PKHD1: variants seen among roughly 807,000 people sequenced by gnomAD.
The protein encoded by PKHD1 is PKHD1 ciliary IPT domain containing fibrocystin/polyductin.
PKHD1 carries 291 observed loss-of-function variants against 412.0 expected under a neutral mutation model. That is an observed-to-expected ratio of 0.71 (90% CI 0.64 to 0.78). The LOEUF (loss-of-function observed/expected upper bound fraction) is 0.78, where lower values mean the gene tolerates loss of function less well. Ranked by LOEUF, PKHD1 falls within the 30% of genes least tolerant of loss-of-function variation. The pLI, the probability that PKHD1 is intolerant of heterozygous loss-of-function variation, is 0.00. For synonymous variants in PKHD1, 1,777 were observed against 1,821.5 expected (o/e 0.98, Z 0.62); for missense variants, 4,825 against 4,950.7 (o/e 0.97, Z 0.76).
rs509107 is a variant in PKHD1 at position 51,666,249 on chromosome 6, A to T, written c.10157-6280T>A. On this transcript the variant is annotated intron_variant, in intron 60 of 66. Coordinates refer to ENST00000371117, the MANE Select transcript of PKHD1 (RefSeq NM_138694.4). ...AAAATGAGAAAAAAATCACAACACA[A>T]TTATGTTTTAAAAACCTCGTAAGTA... Among the ~76,000 whole-genome samples the T allele has an allele frequency of 4.6e-3, 705 of 152,250 alleles. 5 individuals are homozygous for T. The highest frequency in any genetic ancestry group is 0.016 in the African/African-American group (669 of 41,564).
intron 61 of PKHD1, among the ~76,000 whole-genome samples, chr6:51,653,397 C>T (rs555553821): frequency 2.0e-5 from 3 of 152,180 alleles, no homozygotes; most frequent in African/African-American, 7.2e-5. Context: ...CCAAGCCTGG[C>T]ATGTTGTAAG....
chr6:52,075,556 G>A (rs563505910), intron 6 of PKHD1, among the ~76,000 whole-genome samples: 2 of 152,292 alleles, frequency 1.3e-5, no homozygotes, highest in African/African-American at 2.4e-5. Flanking sequence ...CTTCTCAGTT[G>A]CAATCCCTTC....
chr6:51,728,229 A>G (rs921413993), intron 60 of PKHD1, among the ~76,000 whole-genome samples: 1 of 152,294 alleles, frequency 6.6e-6, no homozygotes, highest in Non-Finnish European at 1.5e-5. Flanking sequence ...GAGTGACTAC[A>G]AAATTGACTG....
chr6:51,689,253 T>A (rs960004398), intron 60 of PKHD1, among the ~76,000 whole-genome samples: 1 of 152,164 alleles, frequency 6.6e-6, no homozygotes, highest in African/African-American at 2.4e-5. Flanking sequence ...AACCACATGA[T>A]TATCTCAATC....
At chr6:51,840,876 G>A (rs1442052089) in intron 50 of PKHD1, among the ~76,000 whole-genome samples, 1 of 152,116 alleles carries the variant, frequency 6.6e-6, no homozygotes, top group Non-Finnish European at 1.5e-5. Flanking sequence ...TTACTTTAGA[G>A]GCATAAAAAG....
Position 52,055,607 on chromosome 6 carries a change from G to A in PKHD1, c.1816C>T (p.Arg606Trp), listed in dbSNP as rs560133266. The A allele has an allele frequency of 8.5e-5, 137 of 1,613,836 alleles. 1 individual carries two copies. Among genetic ancestry groups the A allele is most frequent in the South Asian group, 2.0e-4 (18 of 91,066 alleles). The change falls in exon 19 of 67, where the codon CGG (arginine) becomes TGG (tryptophan). Residue 606 changes from arginine to tryptophan, a missense_variant. By Grantham distance (101) the Arg-to-Trp change is moderately radical. Coordinates refer to ENST00000371117, the MANE Select transcript of PKHD1 (RefSeq NM_138694.4). ...CTCACGTGTGTATACTGATCTAGCC[G>A]ATAGCCCTTCTGGGCAGCCGGGGGA... ...LTPPAAQKGY[R>W]LDQYTHLCLA...
intron 37 of PKHD1, among the ~76,000 whole-genome samples, chr6:51,922,405 G>A (rs1784844356): frequency 1.3e-5 from 2 of 152,198 alleles, no homozygotes; most frequent in Admixed American, 1.3e-4. Context: ...TCAGGGTCAG[G>A]GACCCACTTG....
chr6:52,010,940 C>G (rs778370943), intron 34 of PKHD1, among the ~76,000 whole-genome samples: 4 of 152,190 alleles, frequency 2.6e-5, no homozygotes, highest in Non-Finnish European at 5.9e-5. Flanking sequence ...AACTGGCTAA[C>G]TGGTCCCTAA....
chr6:52,049,720 TCTC>T (rs1806474013), intron 22 of PKHD1, among the ~76,000 whole-genome samples: 2 of 152,170 alleles, frequency 1.3e-5, no homozygotes, highest in South Asian at 2.1e-4. Flanking sequence ...CTATTTTTCT[TCTC>T]TAGACATTTC....
chr6:51,915,788 A>T (rs1275673924), intron 37 of PKHD1, among the ~76,000 whole-genome samples: 1 of 152,060 alleles, frequency 6.6e-6, no homozygotes. Flanking sequence ...CCAAGAAGCC[A>T]AAGTAGGAGG....
At chr6:51,830,093 A>T (rs1767993656) in intron 52 of PKHD1, among the ~76,000 whole-genome samples, 1 of 152,176 alleles carries the variant, frequency 6.6e-6, no homozygotes, top group Non-Finnish European at 1.5e-5. Context: ...CAGATGGTTA[A>T]ATGTTCTTCC....
chr6:52,056,565 G>T, intron 18 of PKHD1, 133 bp downstream of exon 18: 1 of 769,044 alleles, frequency 1.3e-6, no homozygotes, highest in Non-Finnish European at 2.3e-6. Context: ...GCCACTCAGT[G>T]TCCAAATCCA....
chr6:51,975,930 G>A (rs1008461130), intron 35 of PKHD1: 2 of 122,360 alleles, frequency 1.6e-5, no homozygotes, highest in Non-Finnish European at 3.2e-5. Context: ...CAGCACTCCA[G>A]CCGGGATAAC....
intron 46 of PKHD1, among the ~76,000 whole-genome samples, chr6:51,873,554 C>T (rs5019542): frequency 0.5 from 76,260 of 152,020 alleles, 20,743 homozygotes; most frequent in Middle Eastern, 0.68. Flanking sequence ...CTGAGCTATT[C>T]CCCTATGATT....
chr6:51,709,248 G>C (rs1780364835), intron 60 of PKHD1, among the ~76,000 whole-genome samples: 1 of 152,142 alleles, frequency 6.6e-6, no homozygotes, highest in Non-Finnish European at 1.5e-5. Flanking sequence ...TAGAGTCTCA[G>C]TAAACATTTG....
chr6:52,052,670 T>C (rs1451109367), intron 21 of PKHD1, among the ~76,000 whole-genome samples: 3 of 152,098 alleles, frequency 2.0e-5, no homozygotes, highest in African/African-American at 7.2e-5. Flanking sequence ...ATAATAACAA[T>C]AATTGCTTAT....
intron 43 of PKHD1, among the ~76,000 whole-genome samples, chr6:51,888,937 GC>G (rs1221344745): frequency 6.6e-6 from 1 of 151,362 alleles, no homozygotes; most frequent in Non-Finnish European, 1.5e-5. Context: ...AATCGATCAA[GC>G]TATGAGACTA....
intron 55 of PKHD1, among the ~76,000 whole-genome samples, chr6:51,762,646 CACAT>C (rs750390650): frequency 3.8e-5 from 2 of 53,094 alleles, no homozygotes; most frequent in South Asian, 1.0e-3. Context: ...TACCATTATT[CACAT>C]ATATATATAT....
chr6:51,636,892 G>A (rs996710813), intron 64 of PKHD1, among the ~76,000 whole-genome samples: 1 of 152,214 alleles, frequency 6.6e-6, no homozygotes, highest in Admixed American at 6.5e-5. Context: ...ATCTCATTCT[G>A]AAAGAGTCTC....
Sources: gnomAD v4.1 joint callset for allele counts (sites outside exome capture counted in the v4.1 genomes callset) on GRCh38, gnomAD v4.1.1 for gene constraint, MANE v1.5 for transcripts, NCBI Gene and HGNC (gene_info 2026-07-23, HGNC 2026-07-21) for gene names.